CGNL1: variants seen among roughly 807,000 people sequenced by gnomAD.
CGNL1 encodes the protein cingulin-like protein 1.
Under a neutral mutation model 141.2 loss-of-function variants are expected in CGNL1, and 132 were observed. That is an observed-to-expected ratio of 0.93 (90% CI 0.81 to 1.08). The LOEUF (loss-of-function observed/expected upper bound fraction) is 1.08. Ranked by LOEUF, CGNL1 falls within the 50% of genes least tolerant of loss-of-function variation. The pLI is 0.00. For synonymous variants in CGNL1, 690 were observed against 622.1 expected (o/e 1.11, Z -1.63); for missense variants, 1,870 against 1,588.6 (o/e 1.18, Z -3.01).
rs76894773 is a variant in CGNL1, at chr15:57,543,629, C to T, written c.3292-67C>T. On this transcript the variant is annotated intron_variant, in intron 14 of 18. Transcript: ENST00000281282. ...GAGGTTGACATTCAGTTCCTTGCCACCATTTCAGTACAAAAGATACAGGAA... is the reference window on the plus strand; with the variant it reads ...GAGGTTGACATTCAGTTCCTTGCCATCATTTCAGTACAAAAGATACAGGAA... The T allele has an allele frequency of 2.9e-3, 4,093 of 1,400,232 alleles. 103 individuals carry two copies. In the African/African-American group the frequency reaches 0.052, roughly 18 times the overall value. The allele number at this position is 1,400,232 out of a possible 1,614,324, so 86.7% of individuals were successfully genotyped here. A position where few individuals can be genotyped will look rare whatever the true frequency, so the allele number is the denominator to read the frequency against.
chr15:57,408,139 G>A (rs574966659), intron 1 of CGNL1, among the ~76,000 whole-genome samples: 2 of 152,240 alleles, frequency 1.3e-5, no homozygotes, highest in East Asian at 3.9e-4. Context: ...CTAAATATCT[G>A]TGTTCTGCTG....
rs1164463436 is a variant in CGNL1, at chr15:57,451,554, A to G, written c.1858A>G (p.Thr620Ala). The G allele has an allele frequency of 6.2e-7, 1 of 1,612,934 alleles. No individual in the cohort carries two copies. The highest frequency in any genetic ancestry group is 1.3e-5 in the African/African-American group (1 of 74,886). ...TCTATTGGAACAGAAAAGCAAGTTG[A>G]CCATAGAAGTGGCTGAACTTCAGAG... ...KDLLEQKSKL[T>A]IEVAELQRQL... is the part of the protein sequence containing the mutation. Residue 620 changes from threonine (T) to alanine (A), a missense_variant, in exon 5 of 19, where the codon ACC becomes GCC. Physicochemically the swap from Thr to Ala is moderately conservative, Grantham distance 58. Coordinates refer to ENST00000281282, the MANE Select transcript of CGNL1 (RefSeq NM_032866.5).
chr15:57,426,479 C>G (rs1212887429), intron 1 of CGNL1, among the ~76,000 whole-genome samples: 25 of 148,894 alleles, frequency 1.7e-4, no homozygotes, highest in Non-Finnish European at 2.7e-4. Context: ...CAGGTTCTCT[C>G]TCTGTTGCCC....
intron 7 of CGNL1, among the ~76,000 whole-genome samples, chr15:57,457,009 A>G (rs755301623): frequency 3.9e-5 from 6 of 152,242 alleles, no homozygotes; most frequent in Admixed American, 2.0e-4. Context: ...TTTATAAAAA[A>G]GGCAGCCAAA....
chr15:57,487,853 C>G (rs1810009982), intron 8 of CGNL1, among the ~76,000 whole-genome samples: 1 of 152,194 alleles, frequency 6.6e-6, no homozygotes, highest in South Asian at 2.1e-4. Flanking sequence ...ATTCTACAGT[C>G]TCTGGATATA....
chr15:57,429,267 G>T lies in CGNL1; in HGVS notation c.-15-8718G>T, dbSNP rs79122930. 5.2e-4 allele frequency among the ~76,000 whole-genome samples: 79 copies of T among 152,218 alleles called. 3 individuals are homozygous for T. The East Asian group carries it at 0.015, about 28-fold the overall frequency. On this transcript the variant is annotated intron_variant, in intron 1 of 18. Transcript: ENST00000281282. The stretch of plus-strand genomic sequence containing the variant: ...ATCTAAGAAGACTCCACTTGACTTG[G>T]GGGGTGGGTAATTTATTTCTTGGAC...
In CGNL1 at chr15:57,443,258, T is replaced by G. The variant is rs1189825345; in HGVS notation, c.1803+780T>G. Among the ~76,000 whole-genome samples the G allele has an allele frequency of 2.0e-5, 3 of 152,158 alleles. No homozygotes were observed. The East Asian group carries it at 5.8e-4, about 29-fold the overall frequency. On this transcript the variant is annotated intron_variant, in intron 4 of 18. Coordinates refer to ENST00000281282, the MANE Select transcript of CGNL1 (RefSeq NM_032866.5). ...GTGGGGACATAGAGATTTTTTTGGT[T>G]AAGGAAGGAGCCCTCTCACATTTGA...
At chr15:57,484,451 T>A (rs1216337356) in intron 8 of CGNL1, among the ~76,000 whole-genome samples, 3 of 152,212 alleles carry the variant, frequency 2.0e-5, no homozygotes, top group African/African-American at 7.2e-5. Flanking sequence ...CTGATATTGG[T>A]AATTTGTATT....
At position 57,453,664 on chromosome 15, in the gene CGNL1, G is replaced by T. The variant is rs189253698; in HGVS notation, c.2055-19G>T. 1,781 of 1,613,014 alleles carry T rather than the reference G, an allele frequency of 1.1e-3. 25 individuals are homozygous for T. The highest frequency in any genetic ancestry group is 4.3e-4 in the Non-Finnish European group (505 of 1,179,538). On this transcript the variant is annotated intron_variant, in intron 6 of 18. Coordinates refer to ENST00000281282, the MANE Select transcript of CGNL1 (RefSeq NM_032866.5). ...CAGAGCCCAGAAGAGCCTGTCTAAT[G>T]GGCTTCCTTCCCTGCCAGGCTATTC...
intron 3 of CGNL1, among the ~76,000 whole-genome samples, chr15:57,442,026 T>C (rs1294881759): frequency 1.3e-5 from 2 of 152,036 alleles, no homozygotes; most frequent in African/African-American, 4.8e-5. Context: ...AGGAGAATTC[T>C]TTTTGGAATG....
At chr15:57,428,458 G>C (rs976531235) in intron 1 of CGNL1, among the ~76,000 whole-genome samples, 24 of 152,294 alleles carry the variant, frequency 1.6e-4, no homozygotes, top group Non-Finnish European at 3.1e-4. Context: ...AAATCACCGG[G>C]GCTGGCCTCG....
At chr15:57,547,307 T>C in intron 18 of CGNL1, 48 bp from the exon 19 acceptor site, 1 of 1,603,072 alleles carries the variant, frequency 6.2e-7, no homozygotes, top group Non-Finnish European at 8.5e-7. Flanking sequence ...AAATTAGCTA[T>C]GGGCCCCGGC....
chr15:57,446,193 G>C (rs936218306), intron 4 of CGNL1, among the ~76,000 whole-genome samples: 1 of 152,084 alleles, frequency 6.6e-6, no homozygotes, highest in African/African-American at 2.4e-5. Flanking sequence ...ACAAATATCT[G>C]TTTTTATATT....
chr15:57,467,611 C>A (rs2063525755), intron 8 of CGNL1, among the ~76,000 whole-genome samples: 1 of 150,416 alleles, frequency 6.6e-6, no homozygotes, highest in Non-Finnish European at 1.5e-5. Flanking sequence ...TTTTAACACT[C>A]TATATTAATG....
At chr15:57,428,729 A>G (rs1206115591) in intron 1 of CGNL1, among the ~76,000 whole-genome samples, 2 of 152,332 alleles carry the variant, frequency 1.3e-5, no homozygotes, top group Middle Eastern at 3.4e-3. Context: ...TAAAGGTCAT[A>G]AAAACAGACT....
intron 4 of CGNL1, among the ~76,000 whole-genome samples, chr15:57,444,760 C>CACAGAGCCAGGATGGGCTGAG (rs1402716355): frequency 6.6e-6 from 1 of 152,116 alleles, no homozygotes; most frequent in Non-Finnish European, 1.5e-5. Context: ...GTAGTGGGAA[C>CACAGAGCCAGGATGGGCTGAG]ACAGAGCCAG....
At chr15:57,540,934 T>C (rs2032530797) in intron 14 of CGNL1, among the ~76,000 whole-genome samples, 1 of 152,228 alleles carries the variant, frequency 6.6e-6, no homozygotes, top group South Asian at 2.1e-4. Context: ...ATGTGGGTTT[T>C]CCCCAGGGGA....
chr15:57,461,236 G>A (rs961902090), intron 7 of CGNL1, among the ~76,000 whole-genome samples: 4 of 152,138 alleles, frequency 2.6e-5, no homozygotes, highest in Non-Finnish European at 4.4e-5. Flanking sequence ...TCCTGAGTAC[G>A]AGGAATGTGG....
At chr15:57,439,968 C>T (rs2063164470) in intron 2 of CGNL1, among the ~76,000 whole-genome samples, 1 of 152,142 alleles carries the variant, frequency 6.6e-6, no homozygotes, top group African/African-American at 2.4e-5. Flanking sequence ...TAATTTTCCT[C>T]ATAAAATTGA....
Sources: allele counts gnomAD v4.1 joint callset (sites outside exome capture counted in the v4.1 genomes callset), GRCh38; gene constraint gnomAD v4.1.1; transcripts MANE v1.5; gene names NCBI Gene and HGNC (gene_info 2026-07-23, HGNC 2026-07-21).